Variants in ESR1 observed in about 807,000 individuals in gnomAD.
ESR1 encodes the protein estrogen receptor.
A neutral mutation model predicts 52.7 loss-of-function variants in ESR1; 12 were observed. The ratio of observed to expected loss-of-function variants is 0.23; its 90% CI spans 0.15 to 0.37. The LOEUF is 0.37. ESR1 is among the 10% of genes least tolerant of loss of function. ESR1 has a pLI of 1.00. For missense variants in ESR1, 584 were observed against 779.7 expected, an observed-to-expected ratio of 0.75 and a Z score of 2.99; for synonymous variants, 305 against 316.8, an observed-to-expected ratio of 0.96 and a Z score of 0.39.
chr6:151,770,318 A>G (rs1785409572), intron 2 of ESR1, among the ~76,000 whole-genome samples: 1 of 152,182 alleles, frequency 6.6e-6, no homozygotes. Flanking sequence ...CAGAATGTTA[A>G]TGAAATTAAA....
intron 5 of ESR1, among the ~76,000 whole-genome samples, chr6:152,040,136 G>A (rs549668349): frequency 1.3e-5 from 2 of 152,310 alleles, no homozygotes; most frequent in East Asian, 3.9e-4. Flanking sequence ...CCGAGGAATG[G>A]TGCCATATCG....
intron 5 of ESR1, among the ~76,000 whole-genome samples, chr6:152,043,940 GCT>G (rs2046013780): frequency 6.6e-6 from 1 of 152,124 alleles, no homozygotes; most frequent in South Asian, 2.1e-4. Flanking sequence ...CGCAATTTCA[GCT>G]CTTTCTCTAC....
chr6:151,875,028 A>C lies in ESR1; in HGVS notation c.644-5627A>C, dbSNP rs534886574. ...TCAGAAAAACATTTCTATATAAAAC[A>C]AGCTTTGGAATAATTTGAATATGTT... On this transcript the variant is annotated intron_variant, in intron 2 of 7. Coordinates refer to ENST00000206249, the MANE Select transcript of ESR1 (RefSeq NM_000125.4). Among the ~76,000 whole-genome samples the C allele has an allele frequency of 1.7e-3, 256 of 152,238 alleles. 1 individual carries two copies. Among genetic ancestry groups the C allele is most frequent in the Non-Finnish European group, 3.0e-3 (201 of 68,052 alleles).
At chr6:151,871,093 CCCTCA>C (rs1790866774) in intron 2 of ESR1, among the ~76,000 whole-genome samples, 1 of 151,766 alleles carries the variant, frequency 6.6e-6, no homozygotes, top group South Asian at 2.1e-4. Context: ...TCAAGTGATG[CCCTCA>C]CCTCAGCCTC....
chr6:152,121,120 C>T (rs1025329701), intron 6 of ESR1, among the ~76,000 whole-genome samples: 1 of 152,120 alleles, frequency 6.6e-6, no homozygotes, highest in African/African-American at 2.4e-5. Flanking sequence ...GTTTTATGTG[C>T]CCCAGAATTA....
chr6:151,825,311 C>A lies in ESR1; in HGVS notation c.452+16947C>A, dbSNP rs567443777. Among the ~76,000 whole-genome samples the A allele has an allele frequency of 2.8e-4, 42 of 152,166 alleles. No homozygotes were observed. In the South Asian group the frequency reaches 2.9e-3, roughly 11 times the overall value. On this transcript the variant is annotated intron_variant, in intron 1 of 7. Transcript: ENST00000206249. ...TTACAGCGGGCTTGTGGGACTGGGG[C>A]TCTCCAATACGTGGTTGGGTTTGTA...
chr6:151,784,306 A>G (rs150940283), intron 2 of ESR1, among the ~76,000 whole-genome samples: 136 of 152,314 alleles, frequency 8.9e-4, no homozygotes, highest in African/African-American at 3.2e-3. Context: ...TTATATCAGT[A>G]TAGCTTCATG....
chr6:152,023,272 G>T (rs1037546633), intron 5 of ESR1, among the ~76,000 whole-genome samples: 1 of 152,118 alleles, frequency 6.6e-6, no homozygotes, highest in African/African-American at 2.4e-5. Flanking sequence ...GTTCTTGATA[G>T]CAACAGCATC....
intron 1 of ESR1, among the ~76,000 whole-genome samples, chr6:151,827,534 A>G (rs1198144462): frequency 6.6e-6 from 1 of 152,174 alleles, no homozygotes; most frequent in African/African-American, 2.4e-5. Context: ...AAATCTTTAC[A>G]GAAGTGGAAG....
rs2051014693 is a variant in ESR1, at chr6:152,103,266, TAAACTA to T, written c.*4303_*4308del. ...CCTATTTGATGTTCAAATAAAGAAT[TAAACTA>T]AAGACAACGAGTTTGTTTTTTGTAA... On this transcript the variant is annotated 3_prime_UTR_variant, in exon 8 of 8. Transcript: ENST00000206249. 5.6e-6 allele frequency: 1 copy of T among 179,924 alleles called. No homozygotes were observed. Among genetic ancestry groups the T allele is most frequent in the Non-Finnish European group, 1.2e-5 (1 of 83,752 alleles). The allele number at this position is 179,924 out of a possible 1,614,324, so 11.1% of individuals were successfully genotyped here.
intron 4 of ESR1, among the ~76,000 whole-genome samples, chr6:152,003,146 A>G (rs2042084830): frequency 6.6e-6 from 1 of 151,928 alleles, no homozygotes; most frequent in African/African-American, 2.4e-5. Flanking sequence ...TAGGATTGCC[A>G]TCTGCTTTGT....
At chr6:151,964,041 A>T (rs993714727) in intron 4 of ESR1, among the ~76,000 whole-genome samples, 30 of 152,258 alleles carry the variant, frequency 2.0e-4, no homozygotes, top group African/African-American at 7.0e-4. Context: ...GTCTGTTTTT[A>T]TGCCAGTATC....
upstream of ESR1, among the ~76,000 whole-genome samples, chr6:151,806,889 C>T (rs897870168): frequency 5.9e-5 from 9 of 152,076 alleles, no homozygotes; most frequent in South Asian, 2.1e-4. Context: ...CACCCATGTG[C>T]GCCCTAACCA....
chr6:151,708,776 G>A (rs2127995287), intron 2 of ESR1, among the ~76,000 whole-genome samples: 1 of 152,044 alleles, frequency 6.6e-6, no homozygotes, highest in African/African-American at 2.4e-5. Context: ...TTAAAAATTT[G>A]TAAAAGTTCT....
At chr6:151,932,872 T>C (rs1319547933) in intron 3 of ESR1, among the ~76,000 whole-genome samples, 3 of 147,016 alleles carry the variant, frequency 2.0e-5, no homozygotes, top group Admixed American at 2.0e-4. Context: ...TAGTATAGTT[T>C]GAAGTCAGGT....
intron 4 of ESR1, among the ~76,000 whole-genome samples, chr6:151,954,090 C>T (rs759175072): frequency 4.6e-5 from 7 of 152,166 alleles, no homozygotes; most frequent in Non-Finnish European, 1.0e-4. Flanking sequence ...CGCGCCTGTA[C>T]ATTGAAATAG....
At chr6:152,073,381 G>A (rs1051447870) in intron 6 of ESR1, among the ~76,000 whole-genome samples, 3 of 152,112 alleles carry the variant, frequency 2.0e-5, no homozygotes, top group African/African-American at 7.2e-5. Context: ...AGTAATGCAT[G>A]ACCAAGGCAG....
intron 1 of ESR1, among the ~76,000 whole-genome samples, chr6:151,834,344 T>C (rs1369020471): frequency 6.6e-6 from 1 of 152,202 alleles, no homozygotes; most frequent in Non-Finnish European, 1.5e-5. Context: ...GTGGCACATA[T>C]ACACCATGGA....
At chr6:151,673,094 G>A (rs766104039) in intron 1 of ESR1, among the ~76,000 whole-genome samples, 25 of 152,160 alleles carry the variant, frequency 1.6e-4, no homozygotes, top group Non-Finnish European at 2.8e-4. Flanking sequence ...CAAAAGTGCT[G>A]GGATTACAGG....
Sources: allele counts gnomAD v4.1 joint callset (sites outside exome capture counted in the v4.1 genomes callset), GRCh38; gene constraint gnomAD v4.1.1; transcripts MANE v1.5; gene names NCBI Gene and HGNC (gene_info 2026-07-23, HGNC 2026-07-21).